Variants in GHR observed in about 807,000 individuals in gnomAD.
The protein encoded by GHR is growth hormone receptor, also known as GH receptor.
Under a neutral mutation model 67.1 loss-of-function variants are expected in GHR, and 35 were observed. The ratio of observed to expected loss-of-function variants is 0.52; its 90% CI spans 0.40 to 0.69. GHR has a LOEUF of 0.69. Among genes scored for constraint, GHR ranks in the 30% least tolerant of loss-of-function variants. The pLI, the probability that GHR is intolerant of heterozygous loss-of-function variation, is 0.00. For missense variants in GHR, 792 were observed against 764.6 expected, an observed-to-expected ratio of 1.04 and a Z score of -0.42; for synonymous variants, 272 against 269.1, an observed-to-expected ratio of 1.01 and a Z score of -0.10.
At chr5:42,552,579 T>C (rs1272553132) in intron 1 of GHR, among the ~76,000 whole-genome samples, 1 of 152,210 alleles carries the variant, frequency 6.6e-6, no homozygotes, top group Non-Finnish European at 1.5e-5. Context: ...GTGATTAGAC[T>C]CTAGGGGCCT....
chr5:42,670,779 T>C (rs539805403), intron 3 of GHR, among the ~76,000 whole-genome samples: 3 of 150,798 alleles, frequency 2.0e-5, no homozygotes, highest in Admixed American at 1.3e-4. Context: ...GGCACATGTA[T>C]ACATATGTAA....
At chr5:42,647,824 A>G (rs1754820303) in intron 3 of GHR, 2 of 314,650 alleles carry the variant, frequency 6.4e-6, no homozygotes, top group South Asian at 2.6e-5. Flanking sequence ...CTATTTGAAA[A>G]TTTTGTTTCT....
At chr5:42,513,803 G>C (rs2112274617) in intron 1 of GHR, among the ~76,000 whole-genome samples, 1 of 152,010 alleles carries the variant, frequency 6.6e-6, no homozygotes, top group Middle Eastern at 3.4e-3. Flanking sequence ...AGCTTCAGCA[G>C]GGTGAGGTTA....
chr5:42,443,954 T>C (rs1336935228), intron 1 of GHR, among the ~76,000 whole-genome samples: 2 of 146,118 alleles, frequency 1.4e-5, no homozygotes, highest in African/African-American at 5.3e-5. Flanking sequence ...TAGATATAGA[T>C]ATAGATAGAT....
chr5:42,601,079 A>G (rs1752357482), intron 2 of GHR, among the ~76,000 whole-genome samples: 1 of 151,774 alleles, frequency 6.6e-6, no homozygotes, highest in Non-Finnish European at 1.5e-5. Context: ...GGCGCATGCC[A>G]CCATGCTCAG....
chr5:42,570,394 C>A (rs906842284), intron 2 of GHR, among the ~76,000 whole-genome samples: 1 of 152,190 alleles, frequency 6.6e-6, no homozygotes, highest in Non-Finnish European at 1.5e-5. Flanking sequence ...TGTTGGAGTT[C>A]AGCAGGTCAC....
Position 42,718,651 on chromosome 5 carries a change from G to A in GHR, c.1144G>A (p.Gly382Ser), listed in dbSNP as rs754224437. ...KSHSNLGVKD[G>S]DSGRTSCCEP... ...ACATAGTAACCTAGGGGTGAAGGAT[G>A]GCGACTCTGGACGTACCAGCTGTTG... The change falls in exon 10 of 10, where the codon GGC becomes AGC. Residue 382 changes from glycine (G) to serine (S), a missense_variant. By Grantham distance (56) the Gly-to-Ser change is moderately conservative (BLOSUM62 0). Coordinates refer to ENST00000230882, the MANE Select transcript of GHR (RefSeq NM_000163.5). 9.3e-6 allele frequency: 15 copies of A among 1,614,154 alleles called. No individual in the cohort carries two copies. Among genetic ancestry groups the A allele is most frequent in the Non-Finnish European group, 1.3e-5 (15 of 1,180,008 alleles).
At chr5:42,687,248 A>C (rs562470113) in intron 3 of GHR, among the ~76,000 whole-genome samples, 11 of 152,310 alleles carry the variant, frequency 7.2e-5, no homozygotes, top group African/African-American at 2.6e-4. Context: ...TATTGCCCAA[A>C]GTAATTTATA....
At position 42,718,653 on chromosome 5, in the gene GHR, C is replaced by A. The variant is rs533441671; in HGVS notation, c.1146C>A (p.Gly382=). The A allele has an allele frequency of 3.7e-6, 6 of 1,613,918 alleles. No individual in the cohort carries two copies. Among genetic ancestry groups the A allele is most frequent in the Non-Finnish European group, 5.1e-6 (6 of 1,179,964 alleles). The change falls in exon 10 of 10, where the codon GGC becomes GGA. Residue 382 remains glycine, a synonymous_variant. Coordinates refer to ENST00000230882, the MANE Select transcript of GHR (RefSeq NM_000163.5). ...KSHSNLGVKD[G]DSGRTSCCEP... is the part of the protein sequence containing the mutation. ...ATAGTAACCTAGGGGTGAAGGATGG[C>A]GACTCTGGACGTACCAGCTGTTGTG... is the stretch of plus-strand genomic sequence containing the variant.
intron 1 of GHR, among the ~76,000 whole-genome samples, chr5:42,452,495 C>A (rs1312878058): frequency 6.6e-6 from 1 of 152,118 alleles, no homozygotes; most frequent in African/African-American, 2.4e-5. Context: ...ATAAGTTTTT[C>A]TAATTTTTAG....
At chr5:42,658,624 GTGGTTCTC>G (rs1364156772) in intron 3 of GHR, among the ~76,000 whole-genome samples, 1 of 152,142 alleles carries the variant, frequency 6.6e-6, no homozygotes, top group Non-Finnish European at 1.5e-5. Flanking sequence ...TCATACCATA[GTGGTTCTC>G]ATCAAGGGTG....
intron 3 of GHR, chr5:42,646,276 AC>A (rs1202908976): frequency 2.2e-6 from 1 of 446,034 alleles, no homozygotes; most frequent in Non-Finnish European, 4.5e-6. Flanking sequence ...TTACAAATGA[AC>A]CCTGCAAATT....
At chr5:42,536,997 C>T (rs1475401248) in intron 1 of GHR, among the ~76,000 whole-genome samples, 3 of 151,978 alleles carry the variant, frequency 2.0e-5, no homozygotes, top group Non-Finnish European at 4.4e-5. Context: ...TCAGTGGTGT[C>T]AGTTGTAGTA....
chr5:42,583,051 GC>G, intron 2 of GHR, among the ~76,000 whole-genome samples: 1 of 152,342 alleles, frequency 6.6e-6, no homozygotes, highest in Non-Finnish European at 1.5e-5. Flanking sequence ...AGCCCATTGG[GC>G]CCGAGCAAAA....
rs140739276 is a variant in GHR, at chr5:42,690,480, G to A, written c.266+1461G>A. On this transcript the variant is annotated intron_variant, in intron 4 of 9. Transcript: ENST00000230882. ...AATGGTAGCTGGTATTCTTCTTATC[G>A]GTAGTATAGTGATAATTTTAAAATA... 1.4e-3 allele frequency among the ~76,000 whole-genome samples: 213 copies of A among 152,140 alleles called. 1 individual carries two copies. The highest frequency in any genetic ancestry group is 4.9e-3 in the African/African-American group (205 of 41,476).
At chr5:42,467,003 T>A in intron 1 of GHR, 1 of 1,572,640 alleles carries the variant, frequency 6.4e-7, no homozygotes, top group South Asian at 1.1e-5. Flanking sequence ...TGGTGCACCG[T>A]GAGGCTCAAC....
rs1235733892 is a variant in GHR, at chr5:42,605,398, G to A, written c.71-23640G>A. ...TGGGATTATAGATGAGAGCCACCGC[G>A]CCCGGCCTGGGGTGCCTCTTAAACT... is the stretch of plus-strand genomic sequence containing the variant. On this transcript the variant is annotated intron_variant, in intron 2 of 9. Coordinates refer to ENST00000230882, the MANE Select transcript of GHR (RefSeq NM_000163.5). Among the ~76,000 whole-genome samples, 4 of 152,100 alleles carry A rather than the reference G, an allele frequency of 2.6e-5. 1 individual carries two copies. The highest frequency in any genetic ancestry group is 7.2e-5 in the African/African-American group (3 of 41,484).
chr5:42,695,186 A>G, intron 5 of GHR, 97 bp downstream of exon 5: 1 of 834,988 alleles, frequency 1.2e-6, no homozygotes, highest in East Asian at 2.5e-5. Flanking sequence ...AAGACTTTGT[A>G]ACAGTGTTCT....
At chr5:42,670,323 G>A (rs999531911) in intron 3 of GHR, among the ~76,000 whole-genome samples, 1 of 152,150 alleles carries the variant, frequency 6.6e-6, no homozygotes, top group African/African-American at 2.4e-5. Context: ...TCCACATGCT[G>A]AAGAATGAAA....
Sources: gnomAD v4.1 joint callset for allele counts (sites outside exome capture counted in the v4.1 genomes callset) on GRCh38, gnomAD v4.1.1 for gene constraint, MANE v1.5 for transcripts, NCBI Gene and HGNC (gene_info 2026-07-23, HGNC 2026-07-21) for gene names.